CACNB2: variants seen among roughly 807,000 people sequenced by gnomAD.
The protein encoded by CACNB2 is calcium voltage-gated channel auxiliary subunit beta 2.
Under a neutral mutation model 73.3 loss-of-function variants are expected in CACNB2, and 42 were observed. The observed-to-expected ratio is 0.57, with a 90% CI of 0.45 to 0.74. The LOEUF is 0.74. CACNB2 is among the 30% of genes least tolerant of loss of function. CACNB2 has a pLI of 0.00. For synonymous variants in CACNB2, 348 were observed against 310.3 expected, an observed-to-expected ratio of 1.12 and a Z score of -1.28; for missense variants, 940 against 853.0, an observed-to-expected ratio of 1.10 and a Z score of -1.27.
chr10:18,152,141 C>G (rs749107372), intron 2 of CACNB2, among the ~76,000 whole-genome samples: 1 of 152,138 alleles, frequency 6.6e-6, no homozygotes, highest in Non-Finnish European at 1.5e-5. Context: ...CCTGCAGCAT[C>G]GGTGGGGATT....
At chr10:18,219,281 T>G (rs1441001877) in intron 2 of CACNB2, among the ~76,000 whole-genome samples, 3 of 152,196 alleles carry the variant, frequency 2.0e-5, no homozygotes, top group Non-Finnish European at 4.4e-5. Flanking sequence ...GCCTCAAATA[T>G]TAAATGACTC....
intron 3 of CACNB2, among the ~76,000 whole-genome samples, chr10:18,481,494 G>A (rs549949259): frequency 9.3e-5 from 14 of 151,118 alleles, no homozygotes; most frequent in South Asian, 4.2e-4. Context: ...TGATATGCCC[G>A]CCTCGGCATC....
chr10:18,495,132 C>G (rs184779430), intron 3 of CACNB2, among the ~76,000 whole-genome samples: 106 of 151,818 alleles, frequency 7.0e-4, no homozygotes, highest in African/African-American at 2.5e-3. Flanking sequence ...TTTGTACAAA[C>G]ATTTTTCAAA....
At chr10:18,306,191 G>A (rs2131857463) in intron 2 of CACNB2, among the ~76,000 whole-genome samples, 1 of 152,244 alleles carries the variant, frequency 6.6e-6, no homozygotes, top group Non-Finnish European at 1.5e-5. Context: ...GAGTTATAAG[G>A]AGCGTGTGGG....
intron 2 of CACNB2, among the ~76,000 whole-genome samples, chr10:18,341,269 T>A (rs1174135077): frequency 6.6e-6 from 1 of 152,180 alleles, no homozygotes; most frequent in Non-Finnish European, 1.5e-5. Context: ...AAAATGCTTT[T>A]TCCAGCTATA....
chr10:18,456,906 C>T (rs966855583), intron 3 of CACNB2, among the ~76,000 whole-genome samples: 4 of 152,130 alleles, frequency 2.6e-5, no homozygotes, highest in African/African-American at 9.7e-5. Context: ...GGTGGACATT[C>T]GGGTTGCTTC....
intron 3 of CACNB2, among the ~76,000 whole-genome samples, chr10:18,488,950 G>T (rs2049241528): frequency 6.6e-6 from 1 of 152,108 alleles, no homozygotes. Flanking sequence ...GGCCAAGGCG[G>T]GTAGATCACC....
At chr10:18,240,481 A>G (rs1205234230) in intron 2 of CACNB2, among the ~76,000 whole-genome samples, 1 of 152,170 alleles carries the variant, frequency 6.6e-6, no homozygotes, top group African/African-American at 2.4e-5. Flanking sequence ...ACGTGTAACC[A>G]GGTCGCTCAC....
chr10:18,418,114 C>T (rs1329822172), intron 3 of CACNB2, among the ~76,000 whole-genome samples: 1 of 151,998 alleles, frequency 6.6e-6, no homozygotes, highest in Non-Finnish European at 1.5e-5. Context: ...TTCGCTCTGT[C>T]GCCAGGCTGG....
chr10:18,183,339 T>A (rs1259202444), intron 2 of CACNB2, among the ~76,000 whole-genome samples: 1 of 152,008 alleles, frequency 6.6e-6, no homozygotes, highest in Non-Finnish European at 1.5e-5. Flanking sequence ...TTTTATTATT[T>A]TTTTTCATTA....
At chr10:18,515,076 C>T in intron 7 of CACNB2, 1 of 1,526,102 alleles carries the variant, frequency 6.6e-7, no homozygotes, top group Non-Finnish European at 9.1e-7. Context: ...TAAATATTCT[C>T]CCGATGTTCT....
intron 2 of CACNB2, among the ~76,000 whole-genome samples, chr10:18,208,601 G>A (rs1434833409): frequency 6.6e-6 from 1 of 152,054 alleles, no homozygotes; most frequent in Non-Finnish European, 1.5e-5. Context: ...AACAGAGTGA[G>A]ACCCTGTCTC....
intron 2 of CACNB2, among the ~76,000 whole-genome samples, chr10:18,351,498 T>C (rs2041705549): frequency 6.6e-6 from 1 of 152,242 alleles, no homozygotes; most frequent in Admixed American, 6.5e-5. Flanking sequence ...TGGAAAATGA[T>C]TTGCTACATC....
chr10:18,280,737 G>A (rs1006633042), intron 2 of CACNB2, among the ~76,000 whole-genome samples: 1 of 152,088 alleles, frequency 6.6e-6, no homozygotes, highest in Non-Finnish European at 1.5e-5. Flanking sequence ...TTTGGCTTCA[G>A]CCACATGAAA....
intron 3 of CACNB2, among the ~76,000 whole-genome samples, chr10:18,469,281 T>A (rs1218278694): frequency 6.6e-6 from 1 of 152,164 alleles, no homozygotes; most frequent in Non-Finnish European, 1.5e-5. Context: ...GTTTGTTATA[T>A]CACCCTTGGG....
chr10:18,464,973 G>A (rs768760049), intron 3 of CACNB2, among the ~76,000 whole-genome samples: 1 of 152,204 alleles, frequency 6.6e-6, no homozygotes, highest in African/African-American at 2.4e-5. Flanking sequence ...AGGTGACTTC[G>A]TCTTGGGACT....
chr10:18,389,296 C>T (rs1178861700), intron 2 of CACNB2, among the ~76,000 whole-genome samples: 1 of 152,122 alleles, frequency 6.6e-6, no homozygotes, highest in Admixed American at 6.6e-5. Flanking sequence ...GCCACCATGC[C>T]TGGCTCATTT....
At chr10:18,204,029 G>A (rs2034994576) in intron 2 of CACNB2, among the ~76,000 whole-genome samples, 1 of 152,026 alleles carries the variant, frequency 6.6e-6, no homozygotes, top group Non-Finnish European at 1.5e-5. Flanking sequence ...TTGCAAAATG[G>A]CAAATAAAAG....
intron 2 of CACNB2, among the ~76,000 whole-genome samples, chr10:18,187,240 G>A (rs566366815): frequency 1.4e-4 from 22 of 152,132 alleles, no homozygotes; most frequent in Non-Finnish European, 3.1e-4. Context: ...CCTACCGTGG[G>A]GATGGCAGCT....
Sources: allele counts gnomAD v4.1 joint callset (sites outside exome capture counted in the v4.1 genomes callset), GRCh38; gene constraint gnomAD v4.1.1; transcripts MANE v1.5; gene names NCBI Gene and HGNC (gene_info 2026-07-23, HGNC 2026-07-21).